COP1: variants seen among roughly 807,000 people sequenced by gnomAD.
The protein encoded by COP1 is E3 ubiquitin-protein ligase COP1.
In COP1, 24 loss-of-function variants were observed where a neutral mutation model predicts 101.3. The ratio of observed to expected loss-of-function variants is 0.24; its 90% CI spans 0.17 to 0.33. The LOEUF (loss-of-function observed/expected upper bound fraction) is 0.33, where lower values mean the gene tolerates loss of function less well. COP1 is among the 10% of genes least tolerant of loss of function. COP1 has a pLI of 1.00. For synonymous variants in COP1, 347 were observed against 341.9 expected (o/e 1.01, Z -0.17); for missense variants, 663 against 906.2 (o/e 0.73, Z 3.45).
intron 15 of COP1, among the ~76,000 whole-genome samples, chr1:176,006,698 G>T (rs1206430979): frequency 6.6e-6 from 1 of 152,172 alleles, no homozygotes; most frequent in Non-Finnish European, 1.5e-5. Context: ...CTGGCTTGTA[G>T]GGTTTCTGCC....
intron 14 of COP1, among the ~76,000 whole-genome samples, chr1:176,037,392 G>T (rs8179475): frequency 0.81 from 121,104 of 148,772 alleles, 49,951 homozygotes; most frequent in East Asian, 0.99. Flanking sequence ...GGGCGACAGA[G>T]CAAGACTCCG....
intron 1 of COP1, among the ~76,000 whole-genome samples, chr1:176,196,255 T>C (rs554404589): frequency 6.6e-6 from 1 of 152,108 alleles, no homozygotes; most frequent in African/African-American, 2.4e-5. Flanking sequence ...ATTTATAAAG[T>C]AAACTGAAAA....
intron 9 of COP1, among the ~76,000 whole-genome samples, chr1:176,086,518 G>A (rs188249315): frequency 8.7e-4 from 132 of 152,164 alleles, no homozygotes; most frequent in African/African-American, 2.9e-3. Flanking sequence ...GAGCCACTGC[G>A]CCTGGCCTGA....
rs190826874 is a variant in COP1 at position 175,993,502 on chromosome 1, T to C, written c.1730-4023A>G. Among the ~76,000 whole-genome samples, 398 of 152,060 alleles carry C rather than the reference T, an allele frequency of 2.6e-3. 3 individuals are homozygous for C. The highest frequency in any genetic ancestry group is 9.2e-3 in the African/African-American group (380 of 41,454). ...AAGAAGTTGAAAACTTTGAAAAAAA[T>C]TTAGACGAATGTATAACTAGAATAA... On this transcript the variant is annotated intron_variant, in intron 15 of 19. Coordinates refer to ENST00000367669, the MANE Select transcript of COP1 (RefSeq NM_022457.7).
chr1:175,956,046 T>C lies in COP1; in HGVS notation c.2134-8807A>G, dbSNP rs1650610262. Among the ~76,000 whole-genome samples, 3 of 152,044 alleles carry C rather than the reference T, an allele frequency of 2.0e-5. No individual in the cohort carries two copies. The South Asian group carries it at 6.2e-4, about 32-fold the overall frequency. On this transcript the variant is annotated intron_variant, in intron 18 of 19. Transcript: ENST00000367669. ...AGACATTATAATAGTTAAAATAATT[T>C]TGAAAAAGAAAAAATAAAACTAGGG...
chr1:175,953,008 A>C (rs1215961608), intron 18 of COP1, among the ~76,000 whole-genome samples: 3 of 152,242 alleles, frequency 2.0e-5, no homozygotes, highest in Non-Finnish European at 4.4e-5. Context: ...AGTTTTTTTA[A>C]AAGATAATTT....
chr1:176,100,178 T>TC (rs1415201961), intron 9 of COP1: 1 of 170,346 alleles, frequency 5.9e-6, no homozygotes, highest in African/African-American at 2.4e-5. Context: ...TCACCTGAGG[T>TC]CAGGAGTTCG....
chr1:176,071,591 G>T (rs941152158), intron 11 of COP1, among the ~76,000 whole-genome samples: 1 of 152,036 alleles, frequency 6.6e-6, no homozygotes, highest in Non-Finnish European at 1.5e-5. Flanking sequence ...CTGATCTTAG[G>T]ATCACAGAAA....
intron 2 of COP1, among the ~76,000 whole-genome samples, chr1:176,183,459 T>C (rs1195824105): frequency 6.6e-6 from 1 of 151,788 alleles, no homozygotes; most frequent in East Asian, 1.9e-4. Context: ...AAAATAAGAG[T>C]TGGCAAGGAT....
chr1:175,980,964 A>G (rs1480114337), intron 18 of COP1, among the ~76,000 whole-genome samples: 1 of 152,146 alleles, frequency 6.6e-6, no homozygotes, highest in Non-Finnish European at 1.5e-5. Context: ...ATTCATTTGT[A>G]TACTTAAAAC....
At chr1:175,960,408 G>A (rs1651194748) in intron 18 of COP1, among the ~76,000 whole-genome samples, 1 of 152,130 alleles carries the variant, frequency 6.6e-6, no homozygotes, top group African/African-American at 2.4e-5. Context: ...TAAGTGCCTG[G>A]CATAAAGTAT....
At chr1:175,982,287 C>T in intron 18 of COP1, 1 of 445,742 alleles carries the variant, frequency 2.2e-6, no homozygotes, top group Non-Finnish European at 4.5e-6. Context: ...AACCTAAGTG[C>T]CCATCAACAA....
chr1:176,151,251 GAA>G (rs1692386233), intron 5 of COP1, among the ~76,000 whole-genome samples: 2 of 144,340 alleles, frequency 1.4e-5, no homozygotes, highest in Non-Finnish European at 3.0e-5. Flanking sequence ...TAGAAAGAAA[GAA>G]AGAGAGAAAG....
chr1:176,006,811 C>G lies in COP1; in HGVS notation c.1730-17332G>C, dbSNP rs544521082. 1.5e-3 allele frequency among the ~76,000 whole-genome samples: 224 copies of G among 152,106 alleles called. 2 individuals are homozygous for G. The highest frequency in any genetic ancestry group is 5.0e-3 in the African/African-American group (209 of 41,456). ...TTCCTTCATTTCAACTTTGGTGAAT[C>G]TGACAATTATGTGTCTTGGAGTTGC... On this transcript the variant is annotated intron_variant, in intron 15 of 19. Coordinates refer to ENST00000367669, the MANE Select transcript of COP1 (RefSeq NM_022457.7).
At chr1:175,990,628 C>T (rs577691994) in intron 15 of COP1, among the ~76,000 whole-genome samples, 15 of 152,216 alleles carry the variant, frequency 9.9e-5, no homozygotes, top group African/African-American at 3.6e-4. Context: ...TTAAATATCA[C>T]AGATTTTCTT....
chr1:176,146,349 C>T (rs1410858209), intron 6 of COP1, among the ~76,000 whole-genome samples: 1 of 152,148 alleles, frequency 6.6e-6, no homozygotes, highest in African/African-American at 2.4e-5. Flanking sequence ...AAGATCCCCG[C>T]CTCTTAGTAT....
At chr1:176,128,305 C>T (rs908386098) in intron 8 of COP1, among the ~76,000 whole-genome samples, 1 of 151,886 alleles carries the variant, frequency 6.6e-6, no homozygotes, top group Admixed American at 6.6e-5. Flanking sequence ...TTTCTATTAC[C>T]TATCAATTTT....
intron 15 of COP1, among the ~76,000 whole-genome samples, chr1:176,009,794 G>A (rs922401738): frequency 1.3e-5 from 2 of 149,790 alleles, no homozygotes; most frequent in Non-Finnish European, 3.0e-5. Flanking sequence ...AGGAGACAGG[G>A]GCATATGAAG....
intron 15 of COP1, among the ~76,000 whole-genome samples, chr1:176,020,340 C>T (rs1178909742): frequency 6.8e-6 from 1 of 148,022 alleles, no homozygotes; most frequent in African/African-American, 2.5e-5. Context: ...AACCTTCATA[C>T]TCACTAACAG....
Sources: allele counts gnomAD v4.1 joint callset (sites outside exome capture counted in the v4.1 genomes callset), GRCh38; gene constraint gnomAD v4.1.1; transcripts MANE v1.5; gene names NCBI Gene and HGNC (gene_info 2026-07-23, HGNC 2026-07-21).